The following CHRNA2 variants were observed in gnomAD, a reference collection of about 807,000 sequenced individuals.
CHRNA2 encodes the protein cholinergic receptor nicotinic alpha 2 subunit, also known as neuronal acetylcholine receptor subunit alpha-2.
CHRNA2 carries 40 observed loss-of-function variants against 45.5 expected under a neutral mutation model. The ratio of observed to expected loss-of-function variants is 0.88; its 90% CI spans 0.68 to 1.15. The LOEUF (loss-of-function observed/expected upper bound fraction) is 1.15. CHRNA2 is among the 50% of genes most tolerant of loss of function. The pLI, the probability that CHRNA2 is intolerant of heterozygous loss-of-function variation, is 0.00. For missense variants in CHRNA2, 655 were observed against 701.7 expected (o/e 0.93, Z 0.75); for synonymous variants, 301 against 296.7 (o/e 1.01, Z -0.15).
intron 4 of CHRNA2, among the ~76,000 whole-genome samples, chr8:27,468,997 C>T (rs1812785058): frequency 6.6e-6 from 1 of 152,214 alleles, no homozygotes; most frequent in African/African-American, 2.4e-5. Context: ...TTCGTGATCT[C>T]CTGAGCTGTA....
rs148768097 is a variant in CHRNA2 at position 27,469,872 on chromosome 8, C to A, written c.183G>T (p.Arg61=). Reference sequence around the variant, plus strand: ...AGCCCCGGAAGAGGTGTTTGAAGAGCCGGTCCTCAGTCTCGGTATGCGAGC... The same window carrying A: ...AGCCCCGGAAGAGGTGTTTGAAGAGACGGTCCTCAGTCTCGGTATGCGAGC... The part of the protein sequence containing the change: ...QGGSHTETED[R]LFKHLFRGYN... Residue 61 remains arginine, a synonymous_variant, in exon 3 of 7, where the codon CGG becomes CGT. Transcript: ENST00000407991. 3.7e-6 allele frequency: 6 copies of A among 1,614,178 alleles called. No individual in the cohort carries two copies. The highest frequency in any genetic ancestry group is 5.1e-6 in the Non-Finnish European group (6 of 1,180,040).
intron 1 of CHRNA2, among the ~76,000 whole-genome samples, chr8:27,473,805 C>G (rs895810392): frequency 6.6e-6 from 1 of 152,104 alleles, no homozygotes; most frequent in Non-Finnish European, 1.5e-5. Flanking sequence ...CATTCTCATC[C>G]CCCCCGTCCA....
Position 27,460,201 on chromosome 8 carries a change from C to T in CHRNA2, c.*1428G>A, listed in dbSNP as rs1322271494. On this transcript the variant is annotated 3_prime_UTR_variant, in exon 7 of 7. Transcript: ENST00000407991. ...GCCCACATCTGTTAGCTGCCAATGTCCCACCCTCCAGTCTGGACAGAGTTG... is the reference window on the plus strand; with the variant it reads ...GCCCACATCTGTTAGCTGCCAATGTTCCACCCTCCAGTCTGGACAGAGTTG... 6.6e-6 allele frequency: 1 copy of T among 152,232 alleles called. No homozygotes were observed. Among genetic ancestry groups the T allele is most frequent in the Non-Finnish European group, 1.5e-5 (1 of 68,064 alleles). The allele number at this position is 152,232 out of a possible 1,614,324, so 9.4% of individuals were successfully genotyped here.
In CHRNA2 at chr8:27,463,019, T is replaced by C. The variant is rs768596698; in HGVS notation, c.1424A>G (p.Tyr475Cys). Residue 475 changes from tyrosine (Y) to cysteine (C), a missense_variant, in exon 6 of 7, where the codon TAC becomes TGC. Around this residue, in one of 3 missense-constraint regions of CHRNA2, gnomAD observed 295 missense variants for 280.4 expected, o/e 1.05. Transcript: ENST00000407991. The surrounding 1 kb of genome is among the most constrained non-coding windows in gnomAD (Gnocchi z 6.1). ...CTCAGACCGCAGGTGGTCGGCAATG[T>C]AGTGCACACCTTCCAGTGCCTTCTG... ...HMQKALEGVH[Y>C]IADHLRSEDA... The C allele has an allele frequency of 1.2e-6, 2 of 1,613,978 alleles. No homozygotes were observed. Among genetic ancestry groups the C allele is most frequent in the Non-Finnish European group, 1.7e-6 (2 of 1,180,026 alleles).
At chr8:27,478,331 G>A (rs1813124482) in intron 1 of CHRNA2, among the ~76,000 whole-genome samples, 1 of 152,186 alleles carries the variant, frequency 6.6e-6, no homozygotes, top group Admixed American at 6.5e-5. Flanking sequence ...GGTTGGGTGG[G>A]ATCTTGAAGG....
intron 5 of CHRNA2, among the ~76,000 whole-genome samples, chr8:27,466,040 G>A (rs1028909816): frequency 2.6e-5 from 4 of 152,194 alleles, no homozygotes; most frequent in African/African-American, 9.7e-5. Flanking sequence ...ACAGGAAGTG[G>A]AAACTAGAAG....
intron 1 of CHRNA2, chr8:27,477,276 T>C (rs1586408650): frequency 6.6e-6 from 1 of 152,292 alleles, no homozygotes; most frequent in South Asian, 2.1e-4. Context: ...ACCCCAAAGC[T>C]AGGCCCACCT....
chr8:27,468,462 TG>T (rs1302676399), intron 4 of CHRNA2, among the ~76,000 whole-genome samples: 1 of 152,228 alleles, frequency 6.6e-6, no homozygotes, highest in Non-Finnish European at 1.5e-5. Flanking sequence ...TGAGTCTAAC[TG>T]GGCTCTATGA....
At position 27,461,713 on chromosome 8, in the gene CHRNA2, C is replaced by A. The variant is rs1447104134; in HGVS notation, c.1506G>T (p.Arg502Ser). 1 of 1,614,226 alleles carries A rather than the reference C, an allele frequency of 6.2e-7. No individual in the cohort carries two copies. The highest frequency in any genetic ancestry group is 1.7e-5 in the Admixed American group (1 of 60,030). ...DWKYVAMVIDRIFLWLFIIVC... is the reference protein window; with the variant it reads ...DWKYVAMVIDSIFLWLFIIVC... ...CGATGATAAACAGCCAGAGGAAGAT[C>A]CTGTCGATGACCATGGCAACATACT... The change falls in exon 7 of 7, where the codon AGG (arginine) becomes AGT (serine). Residue 502 changes from arginine (R) to serine (S), a missense_variant. Transcript: ENST00000407991.
At chr8:27,462,312 T>A (rs1812518179) in intron 6 of CHRNA2, among the ~76,000 whole-genome samples, 1 of 152,168 alleles carries the variant, frequency 6.6e-6, no homozygotes, top group Non-Finnish European at 1.5e-5. Flanking sequence ...TCTTGTCTGT[T>A]CATCAAGGCC....
At chr8:27,478,398 G>A (rs367905426) in intron 1 of CHRNA2, among the ~76,000 whole-genome samples, 198 of 152,248 alleles carry the variant, frequency 1.3e-3, no homozygotes, top group African/African-American at 4.3e-3. Flanking sequence ...TGCCAGCCTT[G>A]GAACAAGCCC....
rs1002574858 is a variant in CHRNA2, at chr8:27,461,451, G to A, written c.*178C>T. The A allele has an allele frequency of 2.3e-5, 20 of 860,842 alleles. No homozygotes were observed. In the African/African-American group the frequency reaches 2.9e-4, roughly 12 times the overall value. 53.3% of individuals were successfully genotyped at this position (860,842 alleles called of 1,614,324 possible). A position where few individuals can be genotyped will look rare whatever the true frequency, so the allele number is the denominator to read the frequency against. On this transcript the variant is annotated 3_prime_UTR_variant, in exon 7 of 7. Coordinates refer to ENST00000407991, the MANE Select transcript of CHRNA2 (RefSeq NM_000742.4). ...AACAGGGCTTTGCACCCAGCAGGCTGTCAGCCCTGGTACAATAACGTTAAG... is the reference window on the plus strand; with the variant it reads ...AACAGGGCTTTGCACCCAGCAGGCTATCAGCCCTGGTACAATAACGTTAAG...
chr8:27,476,538 GT>G (rs998237418), intron 1 of CHRNA2, among the ~76,000 whole-genome samples: 5 of 152,216 alleles, frequency 3.3e-5, no homozygotes, highest in South Asian at 2.1e-4. Context: ...AGCAGGTGAA[GT>G]TTTTTTCTCT....
In CHRNA2 at chr8:27,471,121, G is replaced by A; in HGVS notation, c.-63C>T. 1 of 1,449,260 alleles carries A rather than the reference G, an allele frequency of 6.9e-7. No homozygotes were observed. Among genetic ancestry groups the A allele is most frequent in the Non-Finnish European group, 9.7e-7 (1 of 1,032,844 alleles). The allele number at this position is 1,449,260 out of a possible 1,614,324, so 89.8% of individuals were successfully genotyped here. A position where few individuals can be genotyped will look rare whatever the true frequency, so the allele number is the denominator to read the frequency against. On this transcript the variant is annotated 5_prime_UTR_variant, in exon 2 of 7. Transcript: ENST00000407991. The stretch of plus-strand genomic sequence containing the variant: ...TGCTGTGGGTTGCACCATGGACCAT[G>A]TCCCCAGCAGAGCTGCTGCTGGATT...
chr8:27,463,571 G>T lies in CHRNA2; in HGVS notation c.872C>A (p.Ser291Tyr). Residue 291 changes from serine (S) to tyrosine (Y), a missense_variant, in exon 6 of 7, where the codon TCC becomes TAC. Around this residue, in one of 3 missense-constraint regions of CHRNA2, gnomAD observed 37 missense variants for 66.8 expected, o/e 0.55. Transcript: ENST00000407991. This position sits in a 1 kb window ranked among gnomAD's most constrained non-coding sequence, Gnocchi z 6.1. ...CAGCGTGATCTTCTCGCCGCAGTCGGAGGGCAGGTAGAAGACCAGCACAGT... is the reference window on the plus strand; with the variant it reads ...CAGCGTGATCTTCTCGCCGCAGTCGTAGGGCAGGTAGAAGACCAGCACAGT... ...CLTVLVFYLP[S>Y]DCGEKITLCI... 1 of 1,614,224 alleles carries T rather than the reference G, an allele frequency of 6.2e-7. No individual in the cohort carries two copies. The highest frequency in any genetic ancestry group is 8.5e-7 in the Non-Finnish European group (1 of 1,180,034).
chr8:27,463,384 G>A lies in CHRNA2; in HGVS notation c.1059C>T (p.His353=), dbSNP rs748482434. 1.5e-5 allele frequency: 25 copies of A among 1,614,018 alleles called. No individual in the cohort carries two copies. Among genetic ancestry groups the A allele is most frequent in the Non-Finnish European group, 2.0e-5 (24 of 1,180,046 alleles). ...IVITVFVLNV[H]HRSPSTHTMP... ...TGGTGTGGGTGCTGGGGGAGCGGTGGTGCACATTGAGCACGAAGACGGTGA... is the reference window on the plus strand; with the variant it reads ...TGGTGTGGGTGCTGGGGGAGCGGTGATGCACATTGAGCACGAAGACGGTGA... The change falls in exon 6 of 7, where the codon CAC becomes CAT. Residue 353 remains histidine, a synonymous_variant. Coordinates refer to ENST00000407991, the MANE Select transcript of CHRNA2 (RefSeq NM_000742.4). This position sits in a 1 kb window ranked among gnomAD's most constrained non-coding sequence, Gnocchi z 6.1.
rs1328911807 is a variant in CHRNA2 at position 27,463,212 on chromosome 8, C to A, written c.1231G>T (p.Glu411Ter). 1.9e-6 allele frequency: 3 copies of A among 1,588,828 alleles called. No homozygotes were observed. Among genetic ancestry groups the A allele is most frequent in the Non-Finnish European group, 1.7e-6 (2 of 1,164,402 alleles). ...YHWLESNVDA[E>*]EREVVVEEED... ...TCCTCCACCACCACCTCCCTCTCCT[C>A]GGCATCCACGTTGCTCTCCAGCCAG... The change falls in exon 6 of 7, where the codon GAG becomes TAG. Residue 411 changes from glutamate to a stop codon, truncating the protein, a stop_gained. Coordinates refer to ENST00000407991, the MANE Select transcript of CHRNA2 (RefSeq NM_000742.4). LOFTEE classifies it high-confidence loss of function. This position sits in a 1 kb window ranked among gnomAD's most constrained non-coding sequence, Gnocchi z 6.1.
chr8:27,465,947 C>T (rs2132658733), intron 5 of CHRNA2, among the ~76,000 whole-genome samples: 2 of 152,278 alleles, frequency 1.3e-5, no homozygotes, highest in South Asian at 4.1e-4. Flanking sequence ...AATCAGGTAA[C>T]ACCGGCTGAA....
intron 4 of CHRNA2, among the ~76,000 whole-genome samples, chr8:27,468,845 G>C (rs1812779542): frequency 1.3e-5 from 2 of 152,240 alleles, no homozygotes; most frequent in Non-Finnish European, 2.9e-5. Flanking sequence ...ACAGTGAGCT[G>C]GGAGCTGCTG....
Sources: gnomAD v4.1 joint callset for allele counts (sites outside exome capture counted in the v4.1 genomes callset) on GRCh38, gnomAD v4.1.1 for gene constraint, gnomAD v4.1.1 regional missense constraint, Gnocchi (gnomAD v3.1) non-coding constraint, MANE v1.5 for transcripts, NCBI Gene and HGNC (gene_info 2026-07-23, HGNC 2026-07-21) for gene names.